The following ENPP2 variants were observed in gnomAD, a reference collection of about 807,000 sequenced individuals.
ENPP2 encodes autotaxin.
ENPP2 carries 51 observed loss-of-function variants against 120.2 expected under a neutral mutation model. The observed-to-expected ratio is 0.42, with a 90% CI of 0.34 to 0.54. ENPP2 has a LOEUF of 0.54. ENPP2 is among the 20% of genes least tolerant of loss of function. The pLI is 0.04. For synonymous variants in ENPP2, 365 were observed against 366.4 expected, an observed-to-expected ratio of 1.00 and a Z score of 0.04; for missense variants, 920 against 1,066.5, an observed-to-expected ratio of 0.86 and a Z score of 1.91.
At chr8:119,634,811 A>G (rs576737525) in intron 2 of ENPP2, among the ~76,000 whole-genome samples, 239 of 152,366 alleles carry the variant, frequency 1.6e-3, no homozygotes, top group African/African-American at 5.6e-3. Flanking sequence ...AGTTCATGGA[A>G]GACTGAGATT....
intron 1 of ENPP2, among the ~76,000 whole-genome samples, chr8:119,659,315 T>G (rs1371030732): frequency 6.3e-5 from 3 of 47,486 alleles, no homozygotes; most frequent in Non-Finnish European, 9.3e-5. Context: ...AGACTCTGTC[T>G]CAATTAAAAA....
At chr8:119,614,891 C>G (rs1032353694) in intron 8 of ENPP2, among the ~76,000 whole-genome samples, 2 of 152,028 alleles carry the variant, frequency 1.3e-5, no homozygotes, top group African/African-American at 4.8e-5. Flanking sequence ...TTCTGGGAGT[C>G]CAGCCTGAAT....
chr8:119,611,880 T>G (rs796443694), intron 8 of ENPP2, among the ~76,000 whole-genome samples: 3 of 152,074 alleles, frequency 2.0e-5, no homozygotes, highest in African/African-American at 7.2e-5. Context: ...CAAAAAAATT[T>G]TATCTGGGCA....
chr8:119,562,222 C>T (rs1213484020), intron 24 of ENPP2, among the ~76,000 whole-genome samples: 1 of 151,790 alleles, frequency 6.6e-6, no homozygotes, highest in Non-Finnish European at 1.5e-5. Context: ...GCAGGTGGAT[C>T]ACTTGAGGTC....
chr8:119,596,438 G>A (rs1326621538), intron 11 of ENPP2, among the ~76,000 whole-genome samples: 1 of 152,184 alleles, frequency 6.6e-6, no homozygotes, highest in Non-Finnish European at 1.5e-5. Flanking sequence ...AGGACAATGA[G>A]GTTCATGTAA....
Position 119,638,541 on chromosome 8 carries a change from G to C in ENPP2, c.34-14C>G, listed in dbSNP as rs145118871. ...CAGGGATATTATCTAAGAGAATAAAGAGACCAAGTTGTCAAATACAGCTGG... is the reference window on the plus strand; with the variant it reads ...CAGGGATATTATCTAAGAGAATAAACAGACCAAGTTGTCAAATACAGCTGG... On this transcript the variant is annotated splice_polypyrimidine_tract_variant and intron_variant, in intron 1 of 24. Transcript: ENST00000075322. 27 of 1,464,988 alleles carry C rather than the reference G, an allele frequency of 1.8e-5. No individual in the cohort carries two copies. The highest frequency in any genetic ancestry group is 2.3e-5 in the Non-Finnish European group (24 of 1,044,004). 90.7% of individuals were successfully genotyped at this position (1,464,988 alleles called of 1,614,324 possible). A position where few individuals can be genotyped will look rare whatever the true frequency, so the allele number is the denominator to read the frequency against.
chr8:119,599,889 C>T (rs1814165770), intron 11 of ENPP2, among the ~76,000 whole-genome samples: 1 of 151,952 alleles, frequency 6.6e-6, no homozygotes, highest in Non-Finnish European at 1.5e-5. Flanking sequence ...CGCCTGTAAT[C>T]CCAGCTACTC....
upstream of ENPP2, among the ~76,000 whole-genome samples, chr8:119,640,456 A>G (rs1350114621): frequency 6.6e-6 from 1 of 152,238 alleles, no homozygotes; most frequent in Non-Finnish European, 1.5e-5. Flanking sequence ...TATATGCCAC[A>G]GTGCTCTAAA....
At chr8:119,632,314 G>T (rs1816736526) in intron 2 of ENPP2, among the ~76,000 whole-genome samples, 1 of 152,132 alleles carries the variant, frequency 6.6e-6, no homozygotes, top group Non-Finnish European at 1.5e-5. Flanking sequence ...CAAACAAAAA[G>T]TACTCTCCAA....
At chr8:119,573,192 A>T (rs1815170391) in intron 19 of ENPP2, 1 of 151,954 alleles carries the variant, frequency 6.6e-6, no homozygotes, top group Non-Finnish European at 1.5e-5. Flanking sequence ...TGGATTGCTT[A>T]AGGTCAGGAG....
chr8:119,599,308 A>T (rs891885910), intron 11 of ENPP2, among the ~76,000 whole-genome samples: 1 of 152,214 alleles, frequency 6.6e-6, no homozygotes, highest in African/African-American at 2.4e-5. Flanking sequence ...CTCTGAATTG[A>T]TGTCAAAGCA....
intron 22 of ENPP2, among the ~76,000 whole-genome samples, chr8:119,565,528 C>T (rs1219147999): frequency 6.6e-6 from 1 of 152,240 alleles, no homozygotes; most frequent in Non-Finnish European, 1.5e-5. Context: ...CCCTCGCCTT[C>T]TCCATCATAA....
intron 11 of ENPP2, among the ~76,000 whole-genome samples, chr8:119,596,383 C>G (rs1216480302): frequency 1.3e-5 from 2 of 152,170 alleles, no homozygotes; most frequent in Non-Finnish European, 2.9e-5. Context: ...TTATAAAGAA[C>G]TAACTGAAAA....
intron 23 of ENPP2, among the ~76,000 whole-genome samples, chr8:119,564,298 T>A (rs1224108336): frequency 6.6e-6 from 1 of 152,080 alleles, no homozygotes; most frequent in Non-Finnish European, 1.5e-5. Context: ...TTTAATACAT[T>A]TTTTTCATAG....
At chr8:119,643,476 G>A (rs182245328), upstream of ENPP2, among the ~76,000 whole-genome samples, 84 of 152,282 alleles carry the variant, frequency 5.5e-4, no homozygotes, top group African/African-American at 1.6e-3. Context: ...TTACACAGTC[G>A]AAAGCTGACA....
At chr8:119,621,822 T>G (rs1278157311) in intron 3 of ENPP2, among the ~76,000 whole-genome samples, 1 of 152,182 alleles carries the variant, frequency 6.6e-6, no homozygotes, top group Admixed American at 6.5e-5. Context: ...CCCAACAAAT[T>G]TATGACATCA....
intron 4 of ENPP2, among the ~76,000 whole-genome samples, chr8:119,620,021 A>T (rs1360228922): frequency 6.6e-6 from 1 of 152,218 alleles, no homozygotes; most frequent in Non-Finnish European, 1.5e-5. Context: ...TAACCAACAC[A>T]TTGGAGAAAT....
intron 2 of ENPP2, 50 bp downstream of exon 2, chr8:119,638,375 G>C (rs375548031): frequency 7.7e-5 from 67 of 868,648 alleles, no homozygotes; most frequent in Admixed American, 3.4e-4. Flanking sequence ...TGATTACCCC[G>C]TATGTAATAT....
intron 3 of ENPP2, 60 bp from the exon 4 acceptor site, chr8:119,621,579 CA>C: frequency 6.4e-7 from 1 of 1,558,150 alleles, no homozygotes. Flanking sequence ...AAAGAAGCCA[CA>C]ATTGCTTACA....
Sources: gnomAD v4.1 joint callset for allele counts (sites outside exome capture counted in the v4.1 genomes callset) on GRCh38, gnomAD v4.1.1 for gene constraint, MANE v1.5 for transcripts, NCBI Gene and HGNC (gene_info 2026-07-23, HGNC 2026-07-21) for gene names.